BEND7: variants seen among roughly 807,000 people sequenced by gnomAD.
BEND7 encodes BEN domain containing 7.
Under a neutral mutation model 50.9 loss-of-function variants are expected in BEND7, and 28 were observed. That is an observed-to-expected ratio of 0.55 (90% CI 0.41 to 0.75). The LOEUF is 0.75. Among genes scored for constraint, BEND7 ranks in the 30% least tolerant of loss-of-function variants. The pLI is 0.00. For synonymous variants in BEND7, 170 were observed against 183.9 expected, an observed-to-expected ratio of 0.92 and a Z score of 0.61; for missense variants, 477 against 491.3, an observed-to-expected ratio of 0.97 and a Z score of 0.28.
In BEND7 at chr10:13,499,977, T is replaced by C; in HGVS notation, c.249A>G (p.Lys83=). ...IYQRVGKEGE[K]LKEEPQDLDL... is the part of the protein sequence containing the mutation. ...CCAGGTCCTGGGGCTCTTCTTTTAG[T>C]TTCTCTCCTTCTTTGCCAACTCGCT... Residue 83 remains lysine, a synonymous_variant, in exon 3 of 9, where the codon AAA becomes AAG. Coordinates refer to ENST00000466271, the MANE Select transcript of BEND7 (RefSeq NM_001369863.1). 6.2e-7 allele frequency: 1 copy of C among 1,614,194 alleles called. No individual in the cohort carries two copies. The highest frequency in any genetic ancestry group is 8.5e-7 in the Non-Finnish European group (1 of 1,180,014).
chr10:13,457,256 T>C (rs1251678163), intron 6 of BEND7, among the ~76,000 whole-genome samples: 2 of 152,184 alleles, frequency 1.3e-5, no homozygotes, highest in African/African-American at 4.8e-5. Context: ...GACAAGCCAG[T>C]TTAAGATAAG....
chr10:13,500,196 ACT>A lies in BEND7; in HGVS notation c.146-118_146-117del, dbSNP rs1266486373. On this transcript the variant is annotated intron_variant, in intron 2 of 8. Transcript: ENST00000466271. ...TCTTTGGAAATGGGAAAGATGACTG[ACT>A]CTATGAACTTAATCTGTAAAACGCA... is the stretch of plus-strand genomic sequence containing the variant. 8.9e-6 allele frequency: 8 copies of A among 901,388 alleles called. No homozygotes were observed. In the Admixed American group the frequency reaches 1.6e-4, roughly 18 times the overall value. The allele number at this position is 901,388 out of a possible 1,614,324, so 55.8% of individuals were successfully genotyped here. A position where few individuals can be genotyped will look rare whatever the true frequency, so the allele number is the denominator to read the frequency against.
chr10:13,459,354 C>G (rs961221773), intron 6 of BEND7, among the ~76,000 whole-genome samples: 1 of 152,190 alleles, frequency 6.6e-6, no homozygotes, highest in African/African-American at 2.4e-5. Flanking sequence ...ACTCTGAGAT[C>G]TGATGACTGT....
chr10:13,509,177 G>A (rs1307853377), intron 2 of BEND7, among the ~76,000 whole-genome samples: 6 of 152,226 alleles, frequency 3.9e-5, no homozygotes, highest in African/African-American at 1.4e-4. Context: ...GTATCTATGA[G>A]AAGTTTGGGG....
intron 8 of BEND7, chr10:13,442,832 C>A (rs919277990): frequency 6.6e-6 from 1 of 152,196 alleles, no homozygotes; most frequent in African/African-American, 2.4e-5. Context: ...TTGGGGGGCA[C>A]TGACGTCATG....
intron 6 of BEND7, among the ~76,000 whole-genome samples, chr10:13,472,964 C>T (rs187891399): frequency 6.7e-4 from 101 of 151,722 alleles, no homozygotes; most frequent in Non-Finnish European, 3.2e-4. Context: ...GGTCGATACC[C>T]GTCATTGCTC....
intron 2 of BEND7, among the ~76,000 whole-genome samples, chr10:13,503,218 G>C (rs1043487368): frequency 6.6e-6 from 1 of 152,184 alleles, no homozygotes. Context: ...TTCTGGCGGT[G>C]GGCTGCGCCT....
intron 6 of BEND7, among the ~76,000 whole-genome samples, chr10:13,458,160 GAT>G (rs1839432981): frequency 6.6e-6 from 1 of 152,222 alleles, no homozygotes; most frequent in African/African-American, 2.4e-5. Context: ...ACTTTTCCCA[GAT>G]GCTAGCATTC....
At chr10:13,506,795 A>G (rs1287629514) in intron 2 of BEND7, among the ~76,000 whole-genome samples, 1 of 152,086 alleles carries the variant, frequency 6.6e-6, no homozygotes, top group Non-Finnish European at 1.5e-5. Context: ...GAAGAAGTTT[A>G]ATCAAATGGG....
intron 6 of BEND7, among the ~76,000 whole-genome samples, chr10:13,463,036 C>T (rs556078677): frequency 6.6e-6 from 1 of 152,298 alleles, no homozygotes; most frequent in African/African-American, 2.4e-5. Context: ...CAACTAAACT[C>T]CACATCATTC....
At chr10:13,454,639 G>GAGATACC (rs1333041209) in intron 6 of BEND7, among the ~76,000 whole-genome samples, 2 of 152,072 alleles carry the variant, frequency 1.3e-5, no homozygotes, top group African/African-American at 2.4e-5. Flanking sequence ...ACTGTGCCCT[G>GAGATACC]AGATACCAGA....
intron 2 of BEND7, among the ~76,000 whole-genome samples, chr10:13,517,708 C>T (rs2078791229): frequency 6.6e-6 from 1 of 152,152 alleles, no homozygotes; most frequent in Admixed American, 6.5e-5. Flanking sequence ...CACACCACTG[C>T]ACTCCAGCCA....
intron 6 of BEND7, among the ~76,000 whole-genome samples, chr10:13,467,389 C>A (rs1383995615): frequency 6.6e-6 from 1 of 152,150 alleles, no homozygotes; most frequent in Non-Finnish European, 1.5e-5. Context: ...AAACCAAAAT[C>A]CCACAATAAA....
intron 2 of BEND7, 49 bp from the exon 3 acceptor site, chr10:13,500,129 A>T: frequency 7.2e-7 from 1 of 1,381,990 alleles, no homozygotes; most frequent in Non-Finnish European, 9.8e-7. Context: ...TGAAAGAGAA[A>T]ACAGTTCACT....
At position 13,528,887 on chromosome 10, in the gene BEND7, CGCG is replaced by C. The variant is rs952437145; in HGVS notation, c.-357_-355del. On this transcript the variant is annotated 5_prime_UTR_variant, in exon 1 of 9. Transcript: ENST00000466271. ...CCGTTGGGAGCGGGCCGGGCCGGGG[CGCG>C]GCGGCGGCGGCGGAGGCGGGGGGCG... The C allele has an allele frequency of 5.8e-5, 8 of 137,738 alleles. No homozygotes were observed. In the South Asian group the frequency reaches 8.5e-4, roughly 15 times the overall value. The allele number at this position is 137,738 out of a possible 1,614,324, so 8.5% of individuals were successfully genotyped here.
At chr10:13,512,695 T>A (rs1289542870) in intron 2 of BEND7, among the ~76,000 whole-genome samples, 1 of 152,032 alleles carries the variant, frequency 6.6e-6, no homozygotes, top group Admixed American at 6.5e-5. Flanking sequence ...TTAAGTACGA[T>A]CTGGATTATA....
intron 2 of BEND7, among the ~76,000 whole-genome samples, chr10:13,503,214 C>T (rs976426063): frequency 2.0e-5 from 3 of 152,248 alleles, no homozygotes; most frequent in South Asian, 2.1e-4. Flanking sequence ...GGGGTTCTGG[C>T]GGTGGGCTGC....
intron 8 of BEND7, chr10:13,445,996 C>T (rs896637160): frequency 6.6e-6 from 1 of 152,136 alleles, no homozygotes; most frequent in Non-Finnish European, 1.5e-5. Flanking sequence ...ATATGCGTGC[C>T]CTGATATTCA....
intron 6 of BEND7, among the ~76,000 whole-genome samples, chr10:13,464,065 C>A (rs2131331982): frequency 6.6e-6 from 1 of 152,346 alleles, no homozygotes; most frequent in African/African-American, 2.4e-5. Context: ...ATTTCTTCTA[C>A]CTTGCTGGCA....
Sources: allele counts gnomAD v4.1 joint callset (sites outside exome capture counted in the v4.1 genomes callset), GRCh38; gene constraint gnomAD v4.1.1; transcripts MANE v1.5; gene names NCBI Gene and HGNC (gene_info 2026-07-23, HGNC 2026-07-21).